LSAMP: variants seen among roughly 807,000 people sequenced by gnomAD.
LSAMP encodes the protein limbic system associated membrane protein, also known as limbic system-associated membrane protein.
In LSAMP, 7 loss-of-function variants were observed where a neutral mutation model predicts 38.6. The observed-to-expected ratio is 0.18, with a 90% CI of 0.10 to 0.34. The LOEUF is 0.34. Among genes scored for constraint, LSAMP ranks in the 10% least tolerant of loss-of-function variants. The pLI, the probability that LSAMP is intolerant of heterozygous loss-of-function variation, is 1.00. For synonymous variants in LSAMP, 154 were observed against 166.8 expected (o/e 0.92, Z 0.59); for missense variants, 313 against 420.0 (o/e 0.75, Z 2.23).
Position 115,803,080 on chromosome 3 carries a change from A to G in LSAMP, c.*7237T>C, listed in dbSNP as rs62271062. ...CCATGGGTTTTCTTCACTTGCAAGA[A>G]GCATATTTGTACTGTGCCTGGCTTT... On this transcript the variant is annotated 3_prime_UTR_variant, in exon 7 of 7. Transcript: ENST00000490035. 2,609 of 152,208 alleles carry G rather than the reference A, an allele frequency of 0.017. 29 individuals are homozygous for G. Among genetic ancestry groups the G allele is most frequent in the Non-Finnish European group, 0.029 (1,943 of 68,042 alleles). 9.4% of individuals were successfully genotyped at this position (152,208 alleles called of 1,614,324 possible).
chr3:116,270,598 G>A (rs1417717036), intron 1 of LSAMP, among the ~76,000 whole-genome samples: 1 of 152,048 alleles, frequency 6.6e-6, no homozygotes, highest in African/African-American at 2.4e-5. Context: ...CCAAGATAAT[G>A]TATTCCTAGA....
intron 1 of LSAMP, among the ~76,000 whole-genome samples, chr3:116,315,952 G>A (rs1576120679): frequency 6.6e-6 from 1 of 152,200 alleles, no homozygotes; most frequent in Non-Finnish European, 1.5e-5. Context: ...GGGAAAAAAA[G>A]TTATTGAATT....
Position 115,810,352 on chromosome 3 carries a change from C to T in LSAMP, c.982G>A (p.Ala328Thr). 1 of 1,613,528 alleles carries T rather than the reference C, an allele frequency of 6.2e-7. No homozygotes were observed. The highest frequency in any genetic ancestry group is 8.5e-7 in the Non-Finnish European group (1 of 1,179,688). The change falls in exon 7 of 7, where the codon GCA becomes ACA. Residue 328 changes from alanine to threonine, a missense_variant. Transcript: ENST00000490035. The stretch of plus-strand genomic sequence containing the variant: ...CTGAGAAGGCAGAGCAGAGATGCTG[C>T]CAGCAGCCACAGTGGTACGGCCAGA... ...ISLAVPLWLL[A>T]ASLLCLLSKC
chr3:116,173,435 T>G (rs1710253851), intron 1 of LSAMP, among the ~76,000 whole-genome samples: 1 of 152,002 alleles, frequency 6.6e-6, no homozygotes, highest in Non-Finnish European at 1.5e-5. Context: ...AGAAAAACAC[T>G]AATAGTAACT....
At chr3:115,991,201 A>C (rs1394274546) in intron 3 of LSAMP, among the ~76,000 whole-genome samples, 1 of 152,116 alleles carries the variant, frequency 6.6e-6, no homozygotes, top group African/African-American at 2.4e-5. Context: ...ATGATTTTAA[A>C]ACTAAACAGG....
intron 3 of LSAMP, among the ~76,000 whole-genome samples, chr3:115,927,077 T>C (rs1250401397): frequency 6.6e-6 from 1 of 152,232 alleles, no homozygotes; most frequent in Non-Finnish European, 1.5e-5. Flanking sequence ...ATTTGTTGAC[T>C]GTTTGACTGA....
intron 1 of LSAMP, among the ~76,000 whole-genome samples, chr3:116,168,082 T>A (rs1342278861): frequency 6.6e-6 from 1 of 152,182 alleles, no homozygotes; most frequent in Non-Finnish European, 1.5e-5. Context: ...TTAAAGTATT[T>A]TTTAAAAAAT....
intron 1 of LSAMP, among the ~76,000 whole-genome samples, chr3:116,229,488 G>A (rs954983477): frequency 1.3e-5 from 2 of 152,102 alleles, no homozygotes; most frequent in South Asian, 4.2e-4. Flanking sequence ...TCAGTCGTTC[G>A]GAACTGGAAA....
At chr3:116,239,844 C>A (rs1024105320) in intron 1 of LSAMP, among the ~76,000 whole-genome samples, 1 of 152,008 alleles carries the variant, frequency 6.6e-6, no homozygotes, top group Non-Finnish European at 1.5e-5. Flanking sequence ...GGGGGTAGAT[C>A]AATTTTTTAT....
intron 1 of LSAMP, among the ~76,000 whole-genome samples, chr3:116,193,626 G>A (rs550322292): frequency 3.9e-5 from 6 of 152,232 alleles, no homozygotes; most frequent in African/African-American, 1.2e-4. Flanking sequence ...GACTGATCTC[G>A]TTTTGCAACA....
intron 1 of LSAMP, among the ~76,000 whole-genome samples, chr3:116,203,398 TTTTTTA>T (rs1471859237): frequency 2.6e-5 from 4 of 151,882 alleles, no homozygotes; most frequent in African/African-American, 9.7e-5. Context: ...TATTTATTTA[TTTTTTA>T]TTTTTTTATT....
rs1362515430 is a variant in LSAMP, at chr3:115,833,746, G to A, written c.919+8099C>T. 3.3e-5 allele frequency among the ~76,000 whole-genome samples: 5 copies of A among 149,764 alleles called. No homozygotes were observed. The Admixed American group carries it at 3.4e-4, about 10-fold the overall frequency. On this transcript the variant is annotated intron_variant, in intron 6 of 6. Coordinates refer to ENST00000490035, the MANE Select transcript of LSAMP (RefSeq NM_002338.5). Reference sequence around the variant, plus strand: ...TTTTTTCCACGCCAGGTCCCGCATGGCCTAGTTTCCGTTTTTTTCTCAGGT... The same window carrying A: ...TTTTTTCCACGCCAGGTCCCGCATGACCTAGTTTCCGTTTTTTTCTCAGGT...
chr3:116,204,481 C>T (rs1280114816), intron 1 of LSAMP, among the ~76,000 whole-genome samples: 1 of 151,866 alleles, frequency 6.6e-6, no homozygotes, highest in Non-Finnish European at 1.5e-5. Flanking sequence ...TTGCCCATGC[C>T]TATGTCCTGA....
chr3:116,395,899 A>G (rs2048760659), intron 1 of LSAMP, among the ~76,000 whole-genome samples: 1 of 152,206 alleles, frequency 6.6e-6, no homozygotes, highest in African/African-American at 2.4e-5. Flanking sequence ...AATATATAAA[A>G]ATGATATGAC....
chr3:116,197,163 A>ACACACACACACACACACACACTCT (rs1268040540), intron 1 of LSAMP, among the ~76,000 whole-genome samples: 2 of 139,208 alleles, frequency 1.4e-5, no homozygotes, highest in African/African-American at 5.2e-5. Flanking sequence ...ACACACACAC[A>ACACACACACACACACACACACTCT]CTCTCTCTCT....
At chr3:115,885,956 C>T (rs543453953) in intron 3 of LSAMP, among the ~76,000 whole-genome samples, 8 of 151,844 alleles carry the variant, frequency 5.3e-5, no homozygotes, top group Non-Finnish European at 8.8e-5. Flanking sequence ...GTTTGTCTAT[C>T]CAGATATGAC....
chr3:116,094,703 G>A (rs1708188444), intron 1 of LSAMP, among the ~76,000 whole-genome samples: 1 of 152,166 alleles, frequency 6.6e-6, no homozygotes, highest in South Asian at 2.1e-4. Flanking sequence ...TGTGTACTGT[G>A]TACTGCTGAT....
In LSAMP at chr3:115,852,620, G is replaced by GA; in HGVS notation, c.515-4dup. On this transcript the variant is annotated splice_polypyrimidine_tract_variant and splice_region_variant and intron_variant, in intron 3 of 6. Transcript: ENST00000490035. ...TTCTTCTCCTTCAAATTCCCTTCCT[G>GA]AAAAACAGAGGTTTTCATGATTCTT... 6.2e-7 allele frequency: 1 copy of GA among 1,608,356 alleles called. No homozygotes were observed. Among genetic ancestry groups the GA allele is most frequent in the Non-Finnish European group, 8.5e-7 (1 of 1,178,052 alleles).
intron 1 of LSAMP, among the ~76,000 whole-genome samples, chr3:116,247,900 G>T (rs1001473887): frequency 6.6e-6 from 1 of 152,210 alleles, no homozygotes; most frequent in Non-Finnish European, 1.5e-5. Context: ...CTAAATTATA[G>T]TGAAACATCA....
Sources: allele counts gnomAD v4.1 joint callset (sites outside exome capture counted in the v4.1 genomes callset), GRCh38; gene constraint gnomAD v4.1.1; transcripts MANE v1.5; gene names NCBI Gene and HGNC (gene_info 2026-07-23, HGNC 2026-07-21).